Variants in AHI1 observed in about 807,000 individuals in gnomAD.
AHI1 encodes the protein jouberin.
A neutral mutation model predicts 149.3 loss-of-function variants in AHI1; 123 were observed. The observed-to-expected ratio is 0.82, with a 90% confidence interval of 0.71 to 0.96. AHI1 has a LOEUF of 0.96. AHI1 is among the 40% of genes least tolerant of loss of function. The pLI, the probability that AHI1 is intolerant of heterozygous loss-of-function variation, is 0.00. For synonymous variants in AHI1, 475 were observed against 459.8 expected, an observed-to-expected ratio of 1.03 and a Z score of -0.42; for missense variants, 1,439 against 1,422.7, an observed-to-expected ratio of 1.01 and a Z score of -0.18.
chr6:135,466,400 G>T, intron 6 of AHI1, 27 bp from the exon 7 acceptor site: 1 of 1,583,758 alleles, frequency 6.3e-7, no homozygotes, highest in Non-Finnish European at 8.6e-7. Context: ...TGATAACAAA[G>T]TTTCAGTTAC....
intron 23 of AHI1, among the ~76,000 whole-genome samples, chr6:135,367,070 T>C (rs1407479109): frequency 6.6e-6 from 1 of 152,232 alleles, no homozygotes; most frequent in Admixed American, 6.5e-5. Flanking sequence ...TTAACTTCCA[T>C]GTATTTACAT....
intron 26 of AHI1, chr6:135,301,800 A>G (rs1406411044): frequency 8.1e-6 from 8 of 985,290 alleles, no homozygotes; most frequent in African/African-American, 1.7e-5. Flanking sequence ...CGTGTTTGGG[A>G]AAAAAGTACA....
intron 24 of AHI1, among the ~76,000 whole-genome samples, chr6:135,355,245 T>C (rs1475319793): frequency 2.0e-5 from 3 of 151,898 alleles, no homozygotes; most frequent in Admixed American, 6.6e-5. Flanking sequence ...CAGTTAAAAA[T>C]AGAGGTTTGA....
At chr6:135,334,526 C>A (rs890084841) in intron 24 of AHI1, among the ~76,000 whole-genome samples, 1 of 152,196 alleles carries the variant, frequency 6.6e-6, no homozygotes, top group East Asian at 1.9e-4. Flanking sequence ...CCCAAACAGA[C>A]TAAGACAATT....
intron 23 of AHI1, among the ~76,000 whole-genome samples, chr6:135,380,023 C>T (rs1276334893): frequency 1.5e-5 from 2 of 133,790 alleles, no homozygotes; most frequent in Non-Finnish European, 3.2e-5. Flanking sequence ...CTCCTTCCTT[C>T]CTTCCTTCCT....
At chr6:135,422,968 TA>T (rs1356203787) in intron 20 of AHI1, among the ~76,000 whole-genome samples, 1 of 152,138 alleles carries the variant, frequency 6.6e-6, no homozygotes, top group South Asian at 2.1e-4. Context: ...AATAAGTGCC[TA>T]AGACAGATAG....
intron 14 of AHI1, 114 bp downstream of exon 14, chr6:135,442,468 T>C: frequency 8.9e-7 from 1 of 1,125,072 alleles, no homozygotes; most frequent in Non-Finnish European, 1.2e-6. Context: ...CCGTTTTCTT[T>C]AATTTAGTAG....
chr6:135,455,636 T>A (rs1474590144), intron 10 of AHI1, 98 bp downstream of exon 10: 1 of 944,196 alleles, frequency 1.1e-6, no homozygotes, highest in Non-Finnish European at 1.4e-6. Flanking sequence ...CACACAACTT[T>A]TTTTTTTGCC....
intron 20 of AHI1, among the ~76,000 whole-genome samples, chr6:135,422,188 T>C (rs1360091395): frequency 6.6e-6 from 1 of 152,176 alleles, no homozygotes; most frequent in African/African-American, 2.4e-5. Context: ...CTAGACATTA[T>C]CTGATTTCAA....
At chr6:135,428,279 A>G (rs1038459584) in intron 19 of AHI1, among the ~76,000 whole-genome samples, 2 of 151,670 alleles carry the variant, frequency 1.3e-5, no homozygotes, top group Non-Finnish European at 3.0e-5. Context: ...CAATTTGTCT[A>G]CCTAATCATA....
chr6:135,331,507 C>T (rs1788586648), intron 24 of AHI1, among the ~76,000 whole-genome samples: 1 of 152,058 alleles, frequency 6.6e-6, no homozygotes, highest in Admixed American at 6.6e-5. Context: ...AGGGGAATTC[C>T]TTTCTGTATT....
At chr6:135,383,923 A>C (rs2128471450) in intron 23 of AHI1, among the ~76,000 whole-genome samples, 1 of 152,306 alleles carries the variant, frequency 6.6e-6, no homozygotes, top group South Asian at 2.1e-4. Flanking sequence ...CATTGTTGTA[A>C]TTCTTCCTTC....
chr6:135,291,879 T>C (rs1562441677), intron 27 of AHI1, among the ~76,000 whole-genome samples: 1 of 152,038 alleles, frequency 6.6e-6, no homozygotes, highest in Non-Finnish European at 1.5e-5. Flanking sequence ...TCTAGACTGA[T>C]AAGGTGAATA....
chr6:135,440,095 A>C (rs2757643), intron 14 of AHI1, among the ~76,000 whole-genome samples: 66,753 of 152,014 alleles, frequency 0.44, 17,735 homozygotes, highest in Middle Eastern at 0.58. Context: ...CTCAAACTTT[A>C]AAGGAGCCTT....
At chr6:135,340,676 T>TAC (rs1339901334) in intron 24 of AHI1, among the ~76,000 whole-genome samples, 1 of 133,590 alleles carries the variant, frequency 7.5e-6, no homozygotes, top group East Asian at 2.1e-4. Flanking sequence ...TATATATATA[T>TAC]ATATATATAT....
At chr6:135,309,211 T>C (rs547125482) in intron 26 of AHI1, among the ~76,000 whole-genome samples, 2 of 152,310 alleles carry the variant, frequency 1.3e-5, no homozygotes, top group East Asian at 3.9e-4. Context: ...GACTCTATTG[T>C]TGGGAGTGGA....
chr6:135,450,129 GAT>G (rs1448246245), intron 11 of AHI1, among the ~76,000 whole-genome samples: 1 of 152,156 alleles, frequency 6.6e-6, no homozygotes, highest in Non-Finnish European at 1.5e-5. Flanking sequence ...GAGTAAGACT[GAT>G]ATTAAGGAGG....
intron 5 of AHI1, among the ~76,000 whole-genome samples, chr6:135,473,755 T>TACAA (rs1562257971): frequency 2.7e-5 from 1 of 37,576 alleles, no homozygotes; most frequent in Non-Finnish European, 1.2e-4. Context: ...TTTTTTCTAT[T>TACAA]ATAATTTTAA....
chr6:135,397,414 T>C (rs1199439263), intron 22 of AHI1, among the ~76,000 whole-genome samples: 1 of 152,024 alleles, frequency 6.6e-6, no homozygotes, highest in Non-Finnish European at 1.5e-5. Flanking sequence ...CACAACACCC[T>C]TTTCTGTTTG....
Sources: gnomAD v4.1 joint callset for allele counts (sites outside exome capture counted in the v4.1 genomes callset) on GRCh38, gnomAD v4.1.1 for gene constraint, MANE v1.5 for transcripts, NCBI Gene and HGNC (gene_info 2026-07-23, HGNC 2026-07-21) for gene names.